The following PCDH15 variants were observed in gnomAD, a reference collection of about 807,000 sequenced individuals.
PCDH15 encodes protocadherin-15.
A neutral mutation model predicts 178.5 loss-of-function variants in PCDH15; 129 were observed. The ratio of observed to expected loss-of-function variants is 0.72; its 90% CI spans 0.63 to 0.84. PCDH15 has a LOEUF of 0.84. Among genes scored for constraint, PCDH15 ranks in the 40% least tolerant of loss-of-function variants. PCDH15 has a pLI of 0.00. For missense variants in PCDH15, 2,230 were observed against 2,099.9 expected (o/e 1.06, Z -1.21); for synonymous variants, 800 against 732.0 (o/e 1.09, Z -1.50).
intron 2 of PCDH15, among the ~76,000 whole-genome samples, chr10:54,574,383 A>G (rs951647341): frequency 2.4e-3 from 365 of 151,360 alleles, no homozygotes; most frequent in South Asian, 3.8e-3. Flanking sequence ...CCATTGATCT[A>G]TATCTCTGTT....
rs1234006016 is a variant in PCDH15 at position 54,675,476 on chromosome 10, TC to T, written c.-28-11187del. 7.7e-3 allele frequency among the ~76,000 whole-genome samples: 1,097 copies of T among 142,180 alleles called. 13 individuals are homozygous for T. Among genetic ancestry groups the T allele is most frequent in the African/African-American group, 0.026 (995 of 39,002 alleles). 93.3% of individuals were successfully genotyped at this position (142,180 alleles called of 152,430 possible). On this transcript the variant is annotated intron_variant, in intron 1 of 37. Coordinates refer to ENST00000644397, the MANE Select transcript of PCDH15 (RefSeq NM_001384140.1). The stretch of plus-strand genomic sequence containing the variant: ...TTTCATGTTGTTTTTTTTTTTTTTT[TC>T]AATCTGATCTAATTTTTAACTCTCT...
intron 27 of PCDH15, among the ~76,000 whole-genome samples, chr10:53,863,736 T>A (rs945550646): frequency 1.3e-5 from 2 of 152,102 alleles, no homozygotes; most frequent in Non-Finnish European, 1.5e-5. Flanking sequence ...ATATTAATAA[T>A]GTAGAAAAGA....
chr10:54,735,576 T>C (rs1943989970), intron 1 of PCDH15, among the ~76,000 whole-genome samples: 1 of 143,484 alleles, frequency 7.0e-6, no homozygotes, highest in African/African-American at 2.6e-5. Context: ...CGTATGTTTA[T>C]TGCGGCATTA....
At chr10:55,542,222 G>T (rs896662424) in intron 2 of PCDH15, among the ~76,000 whole-genome samples, 1 of 151,040 alleles carries the variant, frequency 6.6e-6, no homozygotes, top group Non-Finnish European at 1.5e-5. Context: ...CTATATATGT[G>T]CATGTGTACA....
rs77671065 is a variant in PCDH15 at position 55,593,796 on chromosome 10, A to T, written c.-156+33829T>A. ...AGATTAAGAAAATACTTTTCTAGGG[A>T]TCCCTCATATCTAGGGATCTAATTA... On this transcript the variant is annotated intron_variant, in intron 2 of 5. Transcript: ENST00000613346. Among the ~76,000 whole-genome samples the T allele has an allele frequency of 3.2e-4, 49 of 151,902 alleles. 1 individual carries two copies. The East Asian group carries it at 4.1e-3, about 13-fold the overall frequency.
chr10:54,853,289 G>GTGTATATA (rs1249570811), intron 3 of PCDH15, among the ~76,000 whole-genome samples: 1,302 of 102,416 alleles, frequency 0.013, 12 homozygotes, highest in South Asian at 0.041. Flanking sequence ...ATGTATGTGT[G>GTGTATATA]TATATATATA....
At chr10:54,635,069 T>C (rs2093811552) in intron 2 of PCDH15, among the ~76,000 whole-genome samples, 1 of 151,536 alleles carries the variant, frequency 6.6e-6, no homozygotes, top group Non-Finnish European at 1.5e-5. Context: ...GAATTTTGAT[T>C]ATTTTTTCCT....
intron 23 of PCDH15, among the ~76,000 whole-genome samples, chr10:53,943,427 G>C (rs1307695496): frequency 2.0e-5 from 3 of 151,788 alleles, no homozygotes; most frequent in Non-Finnish European, 1.5e-5. Context: ...AATGAGCCAA[G>C]ATCACGCCAC....
intron 2 of PCDH15, among the ~76,000 whole-genome samples, chr10:54,648,279 C>T (rs1445686592): frequency 6.6e-6 from 1 of 152,096 alleles, no homozygotes; most frequent in Non-Finnish European, 1.5e-5. Context: ...ATTCATTAAA[C>T]AGGACAGCAG....
chr10:55,175,598 A>C (rs1262439684), intron 1 of PCDH15, among the ~76,000 whole-genome samples: 1 of 147,252 alleles, frequency 6.8e-6, no homozygotes, highest in East Asian at 2.0e-4. Flanking sequence ...CCCGGGAGGC[A>C]GAGGTTGCAG....
chr10:55,386,982 G>A (rs143727588), intron 2 of PCDH15, among the ~76,000 whole-genome samples: 1 of 151,970 alleles, frequency 6.6e-6, no homozygotes, highest in Non-Finnish European at 1.5e-5. Context: ...TATTTTTGGA[G>A]GAAATCGTGA....
At chr10:54,012,703 T>C (rs1225086196) in intron 20 of PCDH15, among the ~76,000 whole-genome samples, 1 of 152,124 alleles carries the variant, frequency 6.6e-6, no homozygotes, top group African/African-American at 2.4e-5. Context: ...CTGAGCTTCA[T>C]AGGCAAAAAA....
At position 54,186,070 on chromosome 10, in the gene PCDH15, A is replaced by G. The variant is rs190077053; in HGVS notation, c.1306-802T>C. On this transcript the variant is annotated intron_variant, in intron 11 of 37. Transcript: ENST00000644397. Reference sequence around the variant, plus strand: ...TCTAATTTAGAGAAAGAACAGCAATATAAAGTAAGAAGGCTAGCACTGATG... The same window carrying G: ...TCTAATTTAGAGAAAGAACAGCAATGTAAAGTAAGAAGGCTAGCACTGATG... Among the ~76,000 whole-genome samples the G allele has an allele frequency of 5.3e-5, 8 of 152,174 alleles. No homozygotes were observed. In the South Asian group the frequency reaches 1.0e-3, roughly 20 times the overall value.
intron 32 of PCDH15, chr10:53,822,935 C>G: frequency 6.2e-7 from 1 of 1,614,134 alleles, no homozygotes; most frequent in Non-Finnish European, 8.5e-7. Context: ...GCCACTGCTG[C>G]AGATCTATGA....
intron 18 of PCDH15, among the ~76,000 whole-genome samples, chr10:54,038,889 G>A (rs1369702368): frequency 6.6e-6 from 1 of 151,888 alleles, no homozygotes; most frequent in East Asian, 1.9e-4. Context: ...GTTTTCAAAT[G>A]AAACAGCCAG....
intron 30 of PCDH15, among the ~76,000 whole-genome samples, chr10:53,828,844 G>T (rs2076859269): frequency 6.6e-6 from 1 of 152,128 alleles, no homozygotes; most frequent in South Asian, 2.1e-4. Flanking sequence ...GGATTAAAAT[G>T]TAAATGTGAG....
chr10:55,180,719 C>CA (rs1286711750), intron 1 of PCDH15, among the ~76,000 whole-genome samples: 1 of 152,048 alleles, frequency 6.6e-6, no homozygotes, highest in African/African-American at 2.4e-5. Flanking sequence ...GCCTTCATGG[C>CA]AAAAATATCA....
intron 2 of PCDH15, among the ~76,000 whole-genome samples, chr10:55,439,556 A>G (rs1250737488): frequency 1.3e-5 from 2 of 151,998 alleles, no homozygotes; most frequent in East Asian, 3.9e-4. Flanking sequence ...AAGAGTAAAT[A>G]TGTATCAGGT....
At chr10:54,132,840 T>TATAC (rs1554806084) in intron 15 of PCDH15, 35 bp downstream of exon 15, 1 of 1,340,254 alleles carries the variant, frequency 7.5e-7, no homozygotes, top group African/African-American at 1.5e-5. Flanking sequence ...TTAGAATTTA[T>TATAC]ACACACACAC....
Sources: allele counts gnomAD v4.1 joint callset (sites outside exome capture counted in the v4.1 genomes callset), GRCh38; gene constraint gnomAD v4.1.1; transcripts MANE v1.5; gene names NCBI Gene and HGNC (gene_info 2026-07-23, HGNC 2026-07-21).